The following TXNDC17 variants were observed in gnomAD, a reference collection of about 807,000 sequenced individuals.
The protein encoded by TXNDC17 is thioredoxin domain-containing protein 17.
Under a neutral mutation model 16.3 loss-of-function variants are expected in TXNDC17, and 12 were observed. That is an observed-to-expected ratio of 0.74 (90% confidence interval 0.47 to 1.19). The LOEUF is 1.19. TXNDC17 is among the 50% of genes most tolerant of loss of function. The pLI, the probability that TXNDC17 is intolerant of heterozygous loss-of-function variation, is 0.00. For synonymous variants in TXNDC17, 62 were observed against 55.0 expected (o/e 1.13, Z -0.56); for missense variants, 158 against 149.7 (o/e 1.06, Z -0.29).
At position 6,641,060 on chromosome 17, in the gene TXNDC17, A is replaced by T. The variant is rs148719323; in HGVS notation, c.-23A>T. On this transcript the variant is annotated 5_prime_UTR_variant, in exon 1 of 4. Coordinates refer to ENST00000250101, the MANE Select transcript of TXNDC17 (RefSeq NM_032731.4). ...GCGGCGACCGGACGTGCACTCCTCCAGTAGCGGCTGCACGTCGTGCCAATG... is the reference window on the plus strand; with the variant it reads ...GCGGCGACCGGACGTGCACTCCTCCTGTAGCGGCTGCACGTCGTGCCAATG... 7 of 1,608,542 alleles carry T rather than the reference A, an allele frequency of 4.4e-6. No individual in the cohort carries two copies. In the South Asian group the frequency reaches 7.7e-5, roughly 18 times the overall value.
Position 6,644,529 on chromosome 17 carries a change from G to A in TXNDC17, c.*1510G>A, listed in dbSNP as rs758426979. On this transcript the variant is annotated 3_prime_UTR_variant, in exon 4 of 4. Coordinates refer to ENST00000250101, the MANE Select transcript of TXNDC17 (RefSeq NM_032731.4). Reference sequence around the variant, plus strand: ...GCCAAGGCTTGCTGAAGGCGCATCCGCTTCCGGGAATAGTGCTGCCAATGT... The same window carrying A: ...GCCAAGGCTTGCTGAAGGCGCATCCACTTCCGGGAATAGTGCTGCCAATGT... 1.2e-6 allele frequency: 2 copies of A among 1,612,694 alleles called. No individual in the cohort carries two copies. Among genetic ancestry groups the A allele is most frequent in the African/African-American group, 1.3e-5 (1 of 74,962 alleles).
chr17:6,644,456 T>C lies in TXNDC17; in HGVS notation c.*1437T>C. 6 of 1,584,484 alleles carry C rather than the reference T, an allele frequency of 3.8e-6. No individual in the cohort carries two copies. The South Asian group carries it at 4.6e-5, about 12-fold the overall frequency. Reference sequence around the variant, plus strand: ...ATACATGTATTAAGTGCCTCGTTTGTATCCAGTTTTTCATTTTCCCGATGT... The same window carrying C: ...ATACATGTATTAAGTGCCTCGTTTGCATCCAGTTTTTCATTTTCCCGATGT... On this transcript the variant is annotated 3_prime_UTR_variant, in exon 4 of 4. Coordinates refer to ENST00000250101, the MANE Select transcript of TXNDC17 (RefSeq NM_032731.4).
At position 6,641,758 on chromosome 17, in the gene TXNDC17, C is replaced by G; in HGVS notation, c.151C>G (p.Pro51Ala). 1 of 1,613,992 alleles carries G rather than the reference C, an allele frequency of 6.2e-7. No homozygotes were observed. The highest frequency in any genetic ancestry group is 8.5e-7 in the Non-Finnish European group (1 of 1,179,960). ...SWCPDCVQAE[P>A]VVREGLKHIS... ...TATCTCAACTTTTTTTAAAGCTGAA[C>G]CAGTCGTACGAGAGGGGCTGAAGCA... The change falls in exon 2 of 4, where the codon CCA (proline) becomes GCA (alanine). Residue 51 changes from proline to alanine, a missense_variant. By Grantham distance (27) the Pro-to-Ala change is conservative. Transcript: ENST00000250101.
chr17:6,644,487 T>C lies in TXNDC17; in HGVS notation c.*1468T>C. ...GTTTTTCATTTTCCCGATGTGTTAT[T>C]TTGCTGTTGCTGCTCTGCCAAGGCT... On this transcript the variant is annotated 3_prime_UTR_variant, in exon 4 of 4. Transcript: ENST00000250101. 1 of 1,604,230 alleles carries C rather than the reference T, an allele frequency of 6.2e-7. No individual in the cohort carries two copies. Among genetic ancestry groups the C allele is most frequent in the Non-Finnish European group, 8.5e-7 (1 of 1,176,344 alleles).
At chr17:6,641,536 G>C in intron 1 of TXNDC17, 1 of 636,110 alleles carries the variant, frequency 1.6e-6, no homozygotes, top group Non-Finnish European at 2.7e-6. Context: ...TTACGGGCGC[G>C]GTGGTGCAGG....
Position 6,643,875 on chromosome 17 carries a change from T to G in TXNDC17, c.*856T>G. On this transcript the variant is annotated 3_prime_UTR_variant, in exon 4 of 4. Coordinates refer to ENST00000250101, the MANE Select transcript of TXNDC17 (RefSeq NM_032731.4). The stretch of plus-strand genomic sequence containing the variant: ...AGTCCAGTTAGTAACTAACCACTAG[T>G]TGTCCTGCCATGACTAGGTCAAGTG... 2.7e-6 allele frequency: 1 copy of G among 376,312 alleles called. No individual in the cohort carries two copies. The highest frequency in any genetic ancestry group is 4.7e-6 in the Non-Finnish European group (1 of 212,242). 23.3% of individuals were successfully genotyped at this position (376,312 alleles called of 1,614,324 possible).
rs374700820 is a variant in TXNDC17, at chr17:6,641,892, G to T, written c.227+58G>T. The T allele has an allele frequency of 1.4e-4, 217 of 1,508,192 alleles. No individual in the cohort carries two copies. The African/African-American group carries it at 2.3e-3, about 16-fold the overall frequency. 93.4% of individuals were successfully genotyped at this position (1,508,192 alleles called of 1,614,324 possible). A position where few individuals can be genotyped will look rare whatever the true frequency, so the allele number is the denominator to read the frequency against. Reference sequence around the variant, plus strand: ...GTGCACAAATTGCATACTTAGGCGGGAAGGGCCTCAGGGACTTACTTACCC... The same window carrying T: ...GTGCACAAATTGCATACTTAGGCGGTAAGGGCCTCAGGGACTTACTTACCC... On this transcript the variant is annotated intron_variant, in intron 2 of 3. Coordinates refer to ENST00000250101, the MANE Select transcript of TXNDC17 (RefSeq NM_032731.4).
chr17:6,641,886 A>C, intron 2 of TXNDC17, 52 bp downstream of exon 2: 1 of 1,536,796 alleles, frequency 6.5e-7, no homozygotes, highest in Admixed American at 1.7e-5. Flanking sequence ...TTGCATACTT[A>C]GGCGGGAAGG....
rs960707447 is a variant in TXNDC17, at chr17:6,644,104, G to A, written c.*1085G>A. ...CAGTAAGGTTCCAGGAGATGGTCTT[G>A]CCCTACTATATGTCAGGAACAGCTA... On this transcript the variant is annotated 3_prime_UTR_variant, in exon 4 of 4. Transcript: ENST00000250101. 2.4e-6 allele frequency: 1 copy of A among 413,494 alleles called. No individual in the cohort carries two copies. The highest frequency in any genetic ancestry group is 4.3e-6 in the Non-Finnish European group (1 of 234,336). The allele number at this position is 413,494 out of a possible 1,614,324, so 25.6% of individuals were successfully genotyped here.
In TXNDC17 at chr17:6,643,130, T is replaced by A; in HGVS notation, c.*111T>A. On this transcript the variant is annotated 3_prime_UTR_variant, in exon 4 of 4. Coordinates refer to ENST00000250101, the MANE Select transcript of TXNDC17 (RefSeq NM_032731.4). ...ATAAATGATGTTAAAAAAACTGGCA[T>A]GTGTCTAAACAATAGAGTGCTATTA... The A allele has an allele frequency of 1.0e-6, 1 of 958,346 alleles. No individual in the cohort carries two copies. Among genetic ancestry groups the A allele is most frequent in the Non-Finnish European group, 1.6e-6 (1 of 611,640 alleles). The allele number at this position is 958,346 out of a possible 1,614,324, so 59.4% of individuals were successfully genotyped here.
chr17:6,641,516 C>T (rs1055955268), intron 1 of TXNDC17: 2 of 632,284 alleles, frequency 3.2e-6, no homozygotes, highest in South Asian at 2.0e-5. Flanking sequence ...AATACATGTG[C>T]TTTCCATTGT....
intron 3 of TXNDC17, chr17:6,642,737 T>C: frequency 1.8e-6 from 1 of 550,806 alleles, no homozygotes. Context: ...AGCTTCCTGG[T>C]ATTTGGGGTT....
intron 3 of TXNDC17, 164 bp from the exon 4 acceptor site, chr17:6,642,787 A>G (rs768675128): frequency 6.3e-5 from 38 of 607,806 alleles, no homozygotes; most frequent in Non-Finnish European, 1.1e-4. Flanking sequence ...TTCATCTTAC[A>G]GCAAATATAT....
In TXNDC17 at chr17:6,644,403, T is replaced by G; in HGVS notation, c.*1384T>G. On this transcript the variant is annotated 3_prime_UTR_variant, in exon 4 of 4. Transcript: ENST00000250101. The stretch of plus-strand genomic sequence containing the variant: ...ATAGGAAGAGTTTTCATTTTTTTTG[T>G]CTTCACTGTACAAAAGAAATACATT... 12 of 1,460,052 alleles carry G rather than the reference T, an allele frequency of 8.2e-6. No individual in the cohort carries two copies. The highest frequency in any genetic ancestry group is 1.1e-5 in the Non-Finnish European group (12 of 1,104,132). 90.4% of individuals were successfully genotyped at this position (1,460,052 alleles called of 1,614,324 possible).
Position 6,643,751 on chromosome 17 carries a change from T to C in TXNDC17, c.*732T>C. The C allele has an allele frequency of 5.2e-6, 1 of 193,666 alleles. No individual in the cohort carries two copies. The highest frequency in any genetic ancestry group is 1.2e-4 in the East Asian group (1 of 8,624). 12.0% of individuals were successfully genotyped at this position (193,666 alleles called of 1,614,324 possible). A position where few individuals can be genotyped will look rare whatever the true frequency, so the allele number is the denominator to read the frequency against. On this transcript the variant is annotated 3_prime_UTR_variant, in exon 4 of 4. Transcript: ENST00000250101. ...ATAAAATGAGAATTCAAGGAAGCACTTAACATAGCACCTGGTTTGTGGTAC... is the reference window on the plus strand; with the variant it reads ...ATAAAATGAGAATTCAAGGAAGCACCTAACATAGCACCTGGTTTGTGGTAC...
At chr17:6,641,385 C>G (rs1344137018) in intron 1 of TXNDC17, 158 bp downstream of exon 1, 1 of 1,095,310 alleles carries the variant, frequency 9.1e-7, no homozygotes, top group Non-Finnish European at 1.3e-6. Flanking sequence ...TCCTACCCCG[C>G]CCTGCCAAGA....
At chr17:6,642,521 TAA>T (rs1391676862) in intron 3 of TXNDC17, 197 bp downstream of exon 3, 6 of 507,470 alleles carry the variant, frequency 1.2e-5, no homozygotes, top group East Asian at 3.3e-5. Context: ...TTTTTCATGT[TAA>T]GTCACTCTTA....
rs1235320538 is a variant in TXNDC17, at chr17:6,644,523, G to A, written c.*1504G>A. On this transcript the variant is annotated 3_prime_UTR_variant, in exon 4 of 4. Coordinates refer to ENST00000250101, the MANE Select transcript of TXNDC17 (RefSeq NM_032731.4). ...TGCTCTGCCAAGGCTTGCTGAAGGC[G>A]CATCCGCTTCCGGGAATAGTGCTGC... 7.4e-6 allele frequency: 12 copies of A among 1,611,212 alleles called. No homozygotes were observed. Among genetic ancestry groups the A allele is most frequent in the African/African-American group, 2.7e-5 (2 of 74,888 alleles).
chr17:6,642,975 T>C lies in TXNDC17; in HGVS notation c.328T>C (p.Cys110Arg). 1 of 1,613,898 alleles carries C rather than the reference T, an allele frequency of 6.2e-7. No individual in the cohort carries two copies. Among genetic ancestry groups the C allele is most frequent in the Non-Finnish European group, 8.5e-7 (1 of 1,179,920 alleles). The change falls in exon 4 of 4, where the codon TGT becomes CGT. Residue 110 changes from cysteine to arginine, a missense_variant. By Grantham distance (180) the Cys-to-Arg change is radical (BLOSUM62 -3). Coordinates refer to ENST00000250101, the MANE Select transcript of TXNDC17 (RefSeq NM_032731.4). ...GTPQKLVESE[C>R]LQANLVEMLF... ...GCCTCAAAAACTGGTAGAATCTGAG[T>C]GTCTTCAGGCCAACCTGGTGGAAAT...
Sources: gnomAD v4.1 joint callset for allele counts on GRCh38, gnomAD v4.1.1 for gene constraint, MANE v1.5 for transcripts, NCBI Gene and HGNC (gene_info 2026-07-23, HGNC 2026-07-21) for gene names.